Variants in STXBP6 observed in about 807,000 individuals in gnomAD.
STXBP6 encodes the protein syntaxin binding protein 6.
Under a neutral mutation model 26.9 loss-of-function variants are expected in STXBP6, and 21 were observed. The ratio of observed to expected loss-of-function variants is 0.78; its 90% CI spans 0.55 to 1.12. The LOEUF (loss-of-function observed/expected upper bound fraction) is 1.12, where lower values mean the gene tolerates loss of function less well. STXBP6 is among the 50% of genes most tolerant of loss of function. The probability of loss-of-function intolerance (pLI) is 0.00; values close to 1 mark genes in which losing one functional copy is unlikely to be tolerated. For synonymous variants in STXBP6, 97 were observed against 92.6 expected, an observed-to-expected ratio of 1.05 and a Z score of -0.27; for missense variants, 232 against 257.9, an observed-to-expected ratio of 0.90 and a Z score of 0.69.
At chr14:24,931,223 C>T (rs71411760) in intron 2 of STXBP6, among the ~76,000 whole-genome samples, 21,465 of 91,240 alleles carry the variant, frequency 0.24, 2,127 homozygotes, top group Middle Eastern at 0.33. Flanking sequence ...ACATCACACA[C>T]GGGGGCCTGT....
At chr14:24,852,031 TTAAC>T (rs1459333869) in intron 4 of STXBP6, among the ~76,000 whole-genome samples, 3 of 152,154 alleles carry the variant, frequency 2.0e-5, no homozygotes, top group Admixed American at 2.0e-4. Context: ...AGATTATAGC[TTAAC>T]TCTCTTCCTC....
At chr14:24,840,126 T>C (rs2068743346) in intron 4 of STXBP6, among the ~76,000 whole-genome samples, 1 of 152,204 alleles carries the variant, frequency 6.6e-6, no homozygotes, top group African/African-American at 2.4e-5. Context: ...AAACCATGGC[T>C]TAGACAGGTT....
intron 1 of STXBP6, among the ~76,000 whole-genome samples, chr14:24,996,864 CAAAAAA>C (rs753413417): frequency 4.9e-5 from 3 of 60,892 alleles, no homozygotes; most frequent in African/African-American, 1.9e-4. Context: ...AACTCTGTCT[CAAAAAA>C]AAAAAAAAAA....
At chr14:25,024,137 G>A (rs1049342417) in intron 1 of STXBP6, among the ~76,000 whole-genome samples, 7 of 151,734 alleles carry the variant, frequency 4.6e-5, no homozygotes, top group Non-Finnish European at 7.4e-5. Flanking sequence ...GTGAAACCCC[G>A]TCTCTACTAA....
intron 2 of STXBP6, among the ~76,000 whole-genome samples, chr14:24,922,737 G>A (rs2072025094): frequency 6.6e-6 from 1 of 152,008 alleles, no homozygotes. Context: ...AGACATAGAT[G>A]AGGGAAACCT....
chr14:24,994,025 T>A (rs750104196), intron 1 of STXBP6, among the ~76,000 whole-genome samples: 50 of 152,210 alleles, frequency 3.3e-4, no homozygotes, highest in Non-Finnish European at 4.3e-4. Context: ...TAGCCTCTGC[T>A]TCCACTATTT....
intron 4 of STXBP6, among the ~76,000 whole-genome samples, chr14:24,838,842 CTTCCTTATTTAA>C (rs1172247624): frequency 2.0e-5 from 3 of 152,106 alleles, no homozygotes; most frequent in African/African-American, 7.2e-5. Context: ...CTCAACTGCC[CTTCCTTATTTAA>C]TTCCTGCTAC....
At chr14:24,897,107 T>C (rs930044818) in intron 2 of STXBP6, among the ~76,000 whole-genome samples, 1 of 152,120 alleles carries the variant, frequency 6.6e-6, no homozygotes, top group African/African-American at 2.4e-5. Flanking sequence ...CAAAAAGTGA[T>C]GGAAACCAAA....
At chr14:25,042,073 C>T (rs2075652478) in intron 1 of STXBP6, among the ~76,000 whole-genome samples, 2 of 152,066 alleles carry the variant, frequency 1.3e-5, no homozygotes, top group South Asian at 4.1e-4. Flanking sequence ...GTATTGTTTC[C>T]CAGAAGAAAG....
At chr14:25,040,553 T>A (rs917428343) in intron 1 of STXBP6, among the ~76,000 whole-genome samples, 4 of 152,214 alleles carry the variant, frequency 2.6e-5, no homozygotes, top group Admixed American at 2.6e-4. Flanking sequence ...GAACCATGTA[T>A]TATGTTAGCA....
At chr14:24,969,655 C>G (rs976015798) in intron 2 of STXBP6, among the ~76,000 whole-genome samples, 9 of 152,162 alleles carry the variant, frequency 5.9e-5, no homozygotes, top group African/African-American at 2.2e-4. Flanking sequence ...GAGCAATGTG[C>G]TGGGTGCTAT....
In STXBP6 at chr14:24,818,243, A is replaced by G. The variant is rs755469256; in HGVS notation, c.609+794T>C. The G allele has an allele frequency of 1.7e-5, 7 of 422,008 alleles. No individual in the cohort carries two copies. The Middle Eastern group carries it at 1.0e-3, about 63-fold the overall frequency. The allele number at this position is 422,008 out of a possible 1,614,324, so 26.1% of individuals were successfully genotyped here. On this transcript the variant is annotated intron_variant, in intron 5 of 5. Transcript: ENST00000323944. ...ACTGCCCTTTGATCTGAAGCACAAC[A>G]ACAGTAATAAATCCTCTTTATCACC...
chr14:24,893,261 TA>T (rs2070857483), intron 2 of STXBP6, among the ~76,000 whole-genome samples: 1 of 152,244 alleles, frequency 6.6e-6, no homozygotes, highest in African/African-American at 2.4e-5. Context: ...TGTGAGTGCT[TA>T]TCATGTGCCA....
chr14:24,906,092 A>C lies in STXBP6; in HGVS notation c.155-48935T>G, dbSNP rs138665266. Among the ~76,000 whole-genome samples, 287 of 152,332 alleles carry C rather than the reference A, an allele frequency of 1.9e-3. 2 individuals carry two copies. Among genetic ancestry groups the C allele is most frequent in the African/African-American group, 6.4e-3 (268 of 41,582 alleles). ...CCCTAGGTCAATGCATCTTGATTAA[A>C]TATTTGTTTCCCATCCAAATAATTA... On this transcript the variant is annotated intron_variant, in intron 2 of 5. Coordinates refer to ENST00000323944, the MANE Select transcript of STXBP6 (RefSeq NM_001394410.1).
chr14:24,915,112 T>C (rs1427582587), intron 2 of STXBP6, among the ~76,000 whole-genome samples: 2 of 152,178 alleles, frequency 1.3e-5, no homozygotes, highest in East Asian at 1.9e-4. Context: ...TTGCATTTCA[T>C]GTCATTACTG....
At chr14:24,926,985 C>T (rs1049788263) in intron 2 of STXBP6, among the ~76,000 whole-genome samples, 1 of 152,044 alleles carries the variant, frequency 6.6e-6, no homozygotes, top group Non-Finnish European at 1.5e-5. Context: ...AGCTGATCCC[C>T]TAATTTAAAA....
At chr14:24,897,568 T>C (rs767620670) in intron 2 of STXBP6, among the ~76,000 whole-genome samples, 8 of 152,152 alleles carry the variant, frequency 5.3e-5, no homozygotes, top group East Asian at 3.8e-4. Context: ...GGGTGCTGCA[T>C]TGAACCCCAC....
chr14:24,990,518 C>T (rs569065354), intron 1 of STXBP6, among the ~76,000 whole-genome samples: 168 of 151,892 alleles, frequency 1.1e-3, no homozygotes, highest in African/African-American at 3.8e-3. Context: ...ATTAGCCGGG[C>T]GTGATGGTGC....
At chr14:24,996,243 T>A (rs2074598690) in intron 1 of STXBP6, among the ~76,000 whole-genome samples, 1 of 152,204 alleles carries the variant, frequency 6.6e-6, no homozygotes, top group African/African-American at 2.4e-5. Flanking sequence ...GCTCCTAGAT[T>A]AATTTTTTAA....
Sources: allele counts gnomAD v4.1 joint callset (sites outside exome capture counted in the v4.1 genomes callset), GRCh38; gene constraint gnomAD v4.1.1; transcripts MANE v1.5; gene names NCBI Gene and HGNC (gene_info 2026-07-23, HGNC 2026-07-21).